The following SLC9B1 variants were observed in gnomAD, a reference collection of about 807,000 sequenced individuals.
SLC9B1 encodes the protein sodium/hydrogen exchanger 9B1.
Under a neutral mutation model 51.7 loss-of-function variants are expected in SLC9B1, and 32 were observed. The observed-to-expected ratio is 0.62, with a 90% CI of 0.47 to 0.83. The LOEUF (loss-of-function observed/expected upper bound fraction) is 0.83. Among genes scored for constraint, SLC9B1 ranks in the 40% least tolerant of loss-of-function variants. The probability of loss-of-function intolerance (pLI) is 0.00; values close to 1 mark genes in which losing one functional copy is unlikely to be tolerated. For missense variants in SLC9B1, 406 were observed against 613.2 expected (o/e 0.66, Z 3.57); for synonymous variants, 145 against 212.7 (o/e 0.68, Z 2.77).
chr4:103,013,650 A>G (rs1315404940), intron 1 of SLC9B1, among the ~76,000 whole-genome samples: 1 of 152,228 alleles, frequency 6.6e-6, no homozygotes, highest in Non-Finnish European at 1.5e-5. Flanking sequence ...TTAAGTTAGT[A>G]TATGCACAAA....
chr4:102,902,673 A>C (rs1266122122), intron 11 of SLC9B1, among the ~76,000 whole-genome samples: 1 of 152,226 alleles, frequency 6.6e-6, no homozygotes, highest in East Asian at 1.9e-4. Flanking sequence ...CAATTCATTT[A>C]ATTCTTACGA....
At chr4:102,964,146 G>T (rs190747144) in intron 3 of SLC9B1, among the ~76,000 whole-genome samples, 131 of 151,704 alleles carry the variant, frequency 8.6e-4, no homozygotes, top group African/African-American at 3.0e-3. Context: ...CCCTTAAAAG[G>T]ATGTTAAGAA....
At chr4:102,898,672 G>T (rs1176538792), downstream of SLC9B1, among the ~76,000 whole-genome samples, 1 of 152,112 alleles carries the variant, frequency 6.6e-6, no homozygotes, top group Non-Finnish European at 1.5e-5. Context: ...CTTAAACAGT[G>T]AAAAAAATAG....
intron 6 of SLC9B1, among the ~76,000 whole-genome samples, chr4:102,933,421 G>A (rs1282117007): frequency 6.6e-6 from 1 of 152,244 alleles, no homozygotes; most frequent in African/African-American, 2.4e-5. Context: ...GTCTAGTTCA[G>A]TGGTTCCTAA....
chr4:102,959,407 T>C (rs1430070247), intron 3 of SLC9B1, among the ~76,000 whole-genome samples: 2 of 152,198 alleles, frequency 1.3e-5, no homozygotes, highest in East Asian at 3.8e-4. Context: ...TTTGTTACAA[T>C]AAAATGAACT....
intron 11 of SLC9B1, among the ~76,000 whole-genome samples, chr4:102,905,209 G>GTTTGTTTATTTATTTA (rs142177463): frequency 8.9e-5 from 13 of 146,048 alleles, no homozygotes; most frequent in African/African-American, 2.3e-4. Context: ...CTTTGTTTTT[G>GTTTGTTTATTTATTTA]TTTATTTATT....
At chr4:102,982,955 TG>T (rs1186048040) in intron 3 of SLC9B1, among the ~76,000 whole-genome samples, 1 of 152,156 alleles carries the variant, frequency 6.6e-6, no homozygotes, top group Non-Finnish European at 1.5e-5. Flanking sequence ...ATCCTTACCT[TG>T]TTACTGATCT....
chr4:102,971,718 T>G (rs1268601047), intron 3 of SLC9B1, among the ~76,000 whole-genome samples: 1 of 151,664 alleles, frequency 6.6e-6, no homozygotes, highest in Admixed American at 6.6e-5. Context: ...TTTGAAAAGA[T>G]CAACAAAATT....
chr4:102,968,769 C>T (rs1430513268), intron 3 of SLC9B1, among the ~76,000 whole-genome samples: 1 of 152,216 alleles, frequency 6.6e-6, no homozygotes, highest in African/African-American at 2.4e-5. Flanking sequence ...GGGGGATTTC[C>T]CTTTCTTAGC....
At chr4:102,918,597 T>C (rs1401885266) in intron 7 of SLC9B1, among the ~76,000 whole-genome samples, 1 of 152,198 alleles carries the variant, frequency 6.6e-6, no homozygotes, top group Non-Finnish European at 1.5e-5. Context: ...GTGGGGCATT[T>C]TGGAGATGAT....
At chr4:102,925,879 A>G (rs1199207998) in intron 7 of SLC9B1, among the ~76,000 whole-genome samples, 2 of 152,188 alleles carry the variant, frequency 1.3e-5, no homozygotes, top group Non-Finnish European at 2.9e-5. Context: ...CCAGCAGCAC[A>G]TCAAAAAGCT....
intron 11 of SLC9B1, among the ~76,000 whole-genome samples, chr4:102,893,281 C>CAAAAAAAAAAAAAAAAAAAAAAAAAAAA (rs58316456): frequency 5.7e-5 from 2 of 35,168 alleles, no homozygotes; most frequent in Non-Finnish European, 9.6e-5. Flanking sequence ...GACTCCATCT[C>CAAAAAAAAAAAAAAAAAAAAAAAAAAAA]AAAAAAAAAA....
chr4:102,998,062 G>A (rs976580114), intron 1 of SLC9B1, among the ~76,000 whole-genome samples: 2 of 151,966 alleles, frequency 1.3e-5, no homozygotes, highest in African/African-American at 4.8e-5. Context: ...AGTTCCAGGG[G>A]CATTATGTAT....
chr4:102,932,182 C>T lies in SLC9B1; in HGVS notation c.771G>A (p.Met257Ile), dbSNP rs768975612. 1.6e-5 allele frequency: 25 copies of T among 1,611,802 alleles called. No homozygotes were observed. Among genetic ancestry groups the T allele is most frequent in the Non-Finnish European group, 2.0e-5 (24 of 1,179,804 alleles). The part of the protein sequence containing the change: ...IPTLLMAASS[M>I]DDILAITGFN... Reference sequence around the variant, plus strand: ...ATCCAGTGATAGCCAGAATGTCATCCATACTGCTAGCAGCCATTAATAAGG... The same window carrying T: ...ATCCAGTGATAGCCAGAATGTCATCTATACTGCTAGCAGCCATTAATAAGG... The change falls in exon 7 of 12, where the codon ATG becomes ATA. Residue 257 changes from methionine to isoleucine, a missense_variant. Coordinates refer to ENST00000296422, the MANE Select transcript of SLC9B1 (RefSeq NM_139173.4).
At chr4:102,983,310 AT>A (rs1739452733) in intron 3 of SLC9B1, among the ~76,000 whole-genome samples, 1 of 152,098 alleles carries the variant, frequency 6.6e-6, no homozygotes, top group South Asian at 2.1e-4. Context: ...TTTGTTAAGA[AT>A]TTTTGCATCT....
intron 3 of SLC9B1, among the ~76,000 whole-genome samples, chr4:102,971,318 C>T (rs1738749739): frequency 6.6e-6 from 1 of 152,086 alleles, no homozygotes; most frequent in Non-Finnish European, 1.5e-5. Context: ...CAAATTAGAA[C>T]TCAGGAATAA....
intron 7 of SLC9B1, among the ~76,000 whole-genome samples, chr4:102,922,141 A>T (rs2110445075): frequency 6.6e-6 from 1 of 152,326 alleles, no homozygotes; most frequent in East Asian, 1.9e-4. Flanking sequence ...CTTATTCTAA[A>T]ATTGACCACA....
chr4:102,970,839 T>G (rs568634398), intron 3 of SLC9B1, among the ~76,000 whole-genome samples: 1 of 152,282 alleles, frequency 6.6e-6, no homozygotes, highest in African/African-American at 2.4e-5. Context: ...GTTGCAATCC[T>G]AGTCTCTGAT....
At chr4:102,962,354 G>A (rs1183289306) in intron 3 of SLC9B1, 2 of 538,484 alleles carry the variant, frequency 3.7e-6, no homozygotes, top group South Asian at 1.4e-5. Context: ...ATTATGGAAA[G>A]GTTCATGGAG....
Sources: gnomAD v4.1 joint callset for allele counts (sites outside exome capture counted in the v4.1 genomes callset) on GRCh38, gnomAD v4.1.1 for gene constraint, MANE v1.5 for transcripts, NCBI Gene and HGNC (gene_info 2026-07-23, HGNC 2026-07-21) for gene names.